PKIB: variants seen among roughly 807,000 people sequenced by gnomAD.
PKIB encodes the protein PKI-beta.
In PKIB, 2 loss-of-function variants were observed where a neutral mutation model predicts 4.5. The observed-to-expected ratio is 0.44, with a 90% confidence interval of 0.18 to 1.39. The LOEUF is 1.39. Among genes scored for constraint, PKIB ranks in the 40% most tolerant of loss-of-function variants. The pLI, the probability that PKIB is intolerant of heterozygous loss-of-function variation, is 0.27. For missense variants in PKIB, 94 were observed against 92.6 expected (o/e 1.02, Z -0.06); for synonymous variants, 38 against 36.0 (o/e 1.06, Z -0.20).
intron 2 of PKIB, among the ~76,000 whole-genome samples, chr6:122,521,079 A>G (rs915403516): frequency 3.3e-5 from 5 of 152,198 alleles, no homozygotes; most frequent in African/African-American, 9.7e-5. Context: ...ATTGGGCCCT[A>G]TCTGTTGACC....
intron 2 of PKIB, among the ~76,000 whole-genome samples, chr6:122,659,170 A>G (rs570775074): frequency 6.6e-6 from 1 of 152,292 alleles, no homozygotes; most frequent in East Asian, 1.9e-4. Context: ...AAAGATCTCT[A>G]GCTCTCATTA....
intron 2 of PKIB, among the ~76,000 whole-genome samples, chr6:122,556,793 G>C (rs974662013): frequency 6.6e-6 from 1 of 152,172 alleles, no homozygotes; most frequent in Non-Finnish European, 1.5e-5. Flanking sequence ...GTAACTGAAA[G>C]CTTGACAATT....
intron 2 of PKIB, among the ~76,000 whole-genome samples, chr6:122,514,017 T>G (rs1776667915): frequency 1.3e-5 from 2 of 152,152 alleles, no homozygotes; most frequent in Non-Finnish European, 1.5e-5. Context: ...CCTTGGTGAT[T>G]TAAAGTTTCA....
chr6:122,552,655 G>A (rs375017188), intron 2 of PKIB, among the ~76,000 whole-genome samples: 2 of 152,272 alleles, frequency 1.3e-5, no homozygotes, highest in East Asian at 3.9e-4. Flanking sequence ...TGGGATTACA[G>A]GCACGAGCCA....
At chr6:122,496,943 A>G (rs900647597) in intron 2 of PKIB, among the ~76,000 whole-genome samples, 15 of 152,226 alleles carry the variant, frequency 9.9e-5, no homozygotes, top group African/African-American at 3.6e-4. Flanking sequence ...CCTAAGGTCA[A>G]TGCTAAAGAA....
At chr6:122,721,380 T>C (rs1056096873) in intron 4 of PKIB, among the ~76,000 whole-genome samples, 1 of 152,256 alleles carries the variant, frequency 6.6e-6, no homozygotes, top group African/African-American at 2.4e-5. Context: ...TTGGAATTGC[T>C]GGTTTCAACA....
At chr6:122,585,704 T>G (rs1773829554) in intron 2 of PKIB, among the ~76,000 whole-genome samples, 1 of 152,134 alleles carries the variant, frequency 6.6e-6, no homozygotes, top group Non-Finnish European at 1.5e-5. Flanking sequence ...ACCTAATTTC[T>G]TTACTTCTGG....
rs1054431909 is a variant in PKIB at position 122,494,653 on chromosome 6, A to G, written c.-248+16714A>G. On this transcript the variant is annotated intron_variant, in intron 2 of 6. Transcript: ENST00000392491. ...CAGACTTAGCACTCTCACACAGAGA[A>G]ACAGGGTAGAGAGTAAACACTTGCT... Among the ~76,000 whole-genome samples the G allele has an allele frequency of 5.3e-5, 8 of 152,206 alleles. No individual in the cohort carries two copies. In the South Asian group the frequency reaches 1.0e-3, roughly 20 times the overall value.
intron 3 of PKIB, among the ~76,000 whole-genome samples, chr6:122,595,604 A>T (rs985155342): frequency 2.0e-5 from 3 of 152,186 alleles, no homozygotes; most frequent in Non-Finnish European, 4.4e-5. Context: ...GAAGAGGTCC[A>T]ATATAACCAA....
At chr6:122,492,423 C>T (rs1248106254) in intron 2 of PKIB, among the ~76,000 whole-genome samples, 1 of 152,112 alleles carries the variant, frequency 6.6e-6, no homozygotes, top group East Asian at 1.9e-4. Context: ...TCACTGATAA[C>T]ATTAAGCACT....
At chr6:122,664,458 G>A (rs983613321) in intron 2 of PKIB, among the ~76,000 whole-genome samples, 58 of 152,224 alleles carry the variant, frequency 3.8e-4, no homozygotes, top group African/African-American at 1.2e-3. Flanking sequence ...TCACCAGGCT[G>A]GAGAGAAGTG....
intron 2 of PKIB, among the ~76,000 whole-genome samples, chr6:122,646,711 GTAAT>G (rs965742709): frequency 1.3e-5 from 2 of 152,146 alleles, no homozygotes; most frequent in African/African-American, 4.8e-5. Flanking sequence ...GTTAATTTAT[GTAAT>G]TAAAATAAAA....
At chr6:122,524,242 C>T (rs1459159395) in intron 2 of PKIB, among the ~76,000 whole-genome samples, 1 of 144,454 alleles carries the variant, frequency 6.9e-6, no homozygotes, top group Non-Finnish European at 1.5e-5. Context: ...CCTCATCCTC[C>T]TTCTTTTTCT....
chr6:122,539,728 A>G (rs996390573), intron 2 of PKIB, among the ~76,000 whole-genome samples: 27 of 151,800 alleles, frequency 1.8e-4, no homozygotes, highest in African/African-American at 4.4e-4. Flanking sequence ...CTCTTTTTCT[A>G]TTGATTGGAA....
At chr6:122,487,498 G>C (rs1775802994) in intron 2 of PKIB, among the ~76,000 whole-genome samples, 1 of 152,118 alleles carries the variant, frequency 6.6e-6, no homozygotes, top group South Asian at 2.1e-4. Flanking sequence ...GTTGTTAGGG[G>C]ACAGCCTTCA....
At chr6:122,606,232 A>C (rs148396728), upstream of PKIB, among the ~76,000 whole-genome samples, 35 of 152,320 alleles carry the variant, frequency 2.3e-4, no homozygotes, top group African/African-American at 7.9e-4. Context: ...GATTGGAGTT[A>C]TGTAGCTATA....
At chr6:122,488,240 A>G (rs985840616) in intron 2 of PKIB, among the ~76,000 whole-genome samples, 1 of 152,030 alleles carries the variant, frequency 6.6e-6, no homozygotes, top group Admixed American at 6.6e-5. Context: ...ACACACACGC[A>G]TGTATGTACA....
chr6:122,545,170 C>T (rs1281326493), intron 2 of PKIB, among the ~76,000 whole-genome samples: 1 of 151,904 alleles, frequency 6.6e-6, no homozygotes, highest in African/African-American at 2.4e-5. Context: ...AATTATTCCA[C>T]CAAAAAGACA....
At chr6:122,684,815 C>T (rs531358910) in intron 3 of PKIB, among the ~76,000 whole-genome samples, 46 of 152,138 alleles carry the variant, frequency 3.0e-4, no homozygotes, top group African/African-American at 1.1e-3. Flanking sequence ...TTTTGTTTTC[C>T]TCTTGACTGC....
Sources: allele counts gnomAD v4.1 joint callset (sites outside exome capture counted in the v4.1 genomes callset), GRCh38; gene constraint gnomAD v4.1.1; transcripts MANE v1.5; gene names NCBI Gene and HGNC (gene_info 2026-07-23, HGNC 2026-07-21).